Variants in APOLD1 observed in about 807,000 individuals in gnomAD.
The protein encoded by APOLD1 is apolipoprotein L domain-containing protein 1.
Under a neutral mutation model 15.3 loss-of-function variants are expected in APOLD1, and 22 were observed. That is an observed-to-expected ratio of 1.44 (90% CI 1.03 to 2.05). APOLD1 has a LOEUF of 2.05. APOLD1 is among the 30% of genes most tolerant of loss of function. The probability of loss-of-function intolerance (pLI) is 0.00; values close to 1 mark genes in which losing one functional copy is unlikely to be tolerated. For missense variants in APOLD1, 394 were observed against 353.5 expected, an observed-to-expected ratio of 1.11 and a Z score of -0.92; for synonymous variants, 190 against 167.4, an observed-to-expected ratio of 1.13 and a Z score of -1.04.
intron 1 of APOLD1, among the ~76,000 whole-genome samples, chr12:12,745,312 C>T (rs1331535571): frequency 1.3e-5 from 2 of 152,114 alleles, no homozygotes; most frequent in East Asian, 1.9e-4. Flanking sequence ...GAAGTTGAGG[C>T]GGGTGGATCA....
At chr12:12,775,298 G>A (rs1227174205) in intron 1 of APOLD1, among the ~76,000 whole-genome samples, 1 of 152,178 alleles carries the variant, frequency 6.6e-6, no homozygotes, top group Non-Finnish European at 1.5e-5. Context: ...TAGGAGGGAG[G>A]GAGGGATGAA....
At chr12:12,783,853 C>T (rs187601932), upstream of APOLD1, among the ~76,000 whole-genome samples, 122 of 151,988 alleles carry the variant, frequency 8.0e-4, no homozygotes, top group African/African-American at 2.7e-3. Flanking sequence ...AGGCTGGTCT[C>T]GAACTCCTGA....
intron 1 of APOLD1, among the ~76,000 whole-genome samples, chr12:12,728,657 C>A (rs1419657947): frequency 1.9e-5 from 2 of 104,104 alleles, no homozygotes; most frequent in African/African-American, 8.5e-5. Flanking sequence ...AACAGTGAGA[C>A]CCTGTCTCAA....
intron 1 of APOLD1, among the ~76,000 whole-genome samples, chr12:12,769,682 C>CT (rs1226976074): frequency 1.3e-5 from 2 of 152,182 alleles, no homozygotes; most frequent in Non-Finnish European, 2.9e-5. Context: ...AATTACTTAA[C>CT]TGGAGCCTAA....
upstream of APOLD1, chr12:12,785,458 G>A: frequency 1.7e-6 from 1 of 599,960 alleles, no homozygotes; most frequent in Non-Finnish European, 2.9e-6. Context: ...GCGTTCAGGG[G>A]AAAGCGAACA....
intron 1 of APOLD1, among the ~76,000 whole-genome samples, chr12:12,730,036 G>T (rs1230447054): frequency 1.9e-5 from 1 of 52,740 alleles, no homozygotes; most frequent in Non-Finnish European, 4.1e-5. Context: ...TTGTGTGTGT[G>T]TGTGTGTGTG....
intron 1 of APOLD1, among the ~76,000 whole-genome samples, chr12:12,731,098 A>ATG (rs1565424738): frequency 6.6e-6 from 1 of 152,022 alleles, no homozygotes; most frequent in Non-Finnish European, 1.5e-5. Context: ...CCGAGATCGC[A>ATG]CCACTGCACT....
At chr12:12,768,907 C>G (rs565144373) in intron 1 of APOLD1, among the ~76,000 whole-genome samples, 1 of 151,834 alleles carries the variant, frequency 6.6e-6, no homozygotes, top group South Asian at 2.1e-4. Context: ...ACATTAGTTT[C>G]CATTCTGGCA....
At chr12:12,791,466 AT>A (rs966005668), downstream of APOLD1, 1 of 152,120 alleles carries the variant, frequency 6.6e-6, no homozygotes, top group African/African-American at 2.4e-5. Flanking sequence ...CATTCCTCAA[AT>A]TTTTTTATCT....
rs111417340 is a variant in APOLD1 at position 12,736,365 on chromosome 12, C to CAA, written c.96+10272_96+10273dup. ...AGAGTCTGTCTCAAAAAAAACAAAA[C>CAA]AAAACAAAAAAACTAGCTGGGCATG... On this transcript the variant is annotated intron_variant, in intron 1 of 1. Transcript: ENST00000326765. 5.9e-3 allele frequency among the ~76,000 whole-genome samples: 570 copies of CAA among 96,470 alleles called. 7 individuals are homozygous for CAA. The highest frequency in any genetic ancestry group is 0.021 in the African/African-American group (530 of 24,958). 63.3% of individuals were successfully genotyped at this position (96,470 alleles called of 152,430 possible). A position where few individuals can be genotyped will look rare whatever the true frequency, so the allele number is the denominator to read the frequency against.
At position 12,764,252 on chromosome 12, in the gene APOLD1, C is replaced by T. The variant is rs534043073; in HGVS notation, c.97-22657C>T. Among the ~76,000 whole-genome samples the T allele has an allele frequency of 4.5e-3, 680 of 152,260 alleles. 6 individuals are homozygous for T. The highest frequency in any genetic ancestry group is 0.015 in the African/African-American group (637 of 41,544). ...TGCTGGGATTACAGGCATGAGCCAC[C>T]GTGTCTGGCTACAGTACATTATTAA... On this transcript the variant is annotated intron_variant, in intron 1 of 1. Transcript: ENST00000326765.
intron 1 of APOLD1, among the ~76,000 whole-genome samples, chr12:12,727,662 G>T (rs1361245528): frequency 6.6e-6 from 1 of 151,770 alleles, no homozygotes; most frequent in African/African-American, 2.4e-5. Flanking sequence ...GAGTGCAGTG[G>T]TGTGGTCATG....
intron 1 of APOLD1, among the ~76,000 whole-genome samples, chr12:12,749,854 T>C (rs1946796224): frequency 6.6e-6 from 1 of 152,232 alleles, no homozygotes; most frequent in African/African-American, 2.4e-5. Flanking sequence ...TTCTTTGTTT[T>C]GCTGGGCATT....
At chr12:12,776,597 T>C (rs546825973) in intron 1 of APOLD1, among the ~76,000 whole-genome samples, 1 of 152,354 alleles carries the variant, frequency 6.6e-6, no homozygotes, top group Admixed American at 6.5e-5. Flanking sequence ...TCTGTGCAGG[T>C]GCGCACACCT....
At chr12:12,753,154 C>T (rs1946825249) in intron 1 of APOLD1, among the ~76,000 whole-genome samples, 1 of 151,988 alleles carries the variant, frequency 6.6e-6, no homozygotes, top group Non-Finnish European at 1.5e-5. Flanking sequence ...AGTGACAAAT[C>T]AAGAATGGAT....
Position 12,786,942 on chromosome 12 carries a change from G to C in APOLD1, c.37G>C (p.Gly13Arg). ...MERPAAREPH[G>R]PDALRRFQGL... ...GAGGCCGGCGGCCCGGGAGCCGCAT[G>C]GGCCCGACGCGCTGCGGCGCTTCCA... Residue 13 changes from glycine (G) to arginine (R), a missense_variant, in exon 2 of 2, where the codon GGG becomes CGG. Transcript: ENST00000356591. The C allele has an allele frequency of 6.9e-7, 1 of 1,457,972 alleles. No homozygotes were observed. Among genetic ancestry groups the C allele is most frequent in the Non-Finnish European group, 9.0e-7 (1 of 1,113,704 alleles). The allele number at this position is 1,457,972 out of a possible 1,614,324, so 90.3% of individuals were successfully genotyped here. A position where few individuals can be genotyped will look rare whatever the true frequency, so the allele number is the denominator to read the frequency against.
At chr12:12,739,034 G>A (rs2136372341) in intron 1 of APOLD1, among the ~76,000 whole-genome samples, 1 of 152,304 alleles carries the variant, frequency 6.6e-6, no homozygotes, top group Middle Eastern at 3.4e-3. Flanking sequence ...GAGGATTTTT[G>A]AGCAAGGAAC....
chr12:12,778,936 C>T (rs1452951037), intron 1 of APOLD1, among the ~76,000 whole-genome samples: 1 of 152,142 alleles, frequency 6.6e-6, no homozygotes, highest in Non-Finnish European at 1.5e-5. Flanking sequence ...TGAAAGCCTT[C>T]AATGGCTCCC....
chr12:12,751,495 G>A (rs1162053064), intron 1 of APOLD1, among the ~76,000 whole-genome samples: 1 of 152,132 alleles, frequency 6.6e-6, no homozygotes, highest in Non-Finnish European at 1.5e-5. Context: ...GGACTACAGG[G>A]GCGTTCAACC....
Sources: gnomAD v4.1 joint callset for allele counts (sites outside exome capture counted in the v4.1 genomes callset) on GRCh38, gnomAD v4.1.1 for gene constraint, MANE v1.5 for transcripts, NCBI Gene and HGNC (gene_info 2026-07-23, HGNC 2026-07-21) for gene names.